The following FTO variants were observed in gnomAD, a reference collection of about 807,000 sequenced individuals.
The protein encoded by FTO is alpha-ketoglutarate-dependent dioxygenase FTO.
FTO carries 47 observed loss-of-function variants against 63.9 expected under a neutral mutation model. That is an observed-to-expected ratio of 0.74 (90% CI 0.58 to 0.94). The LOEUF is 0.94. FTO is among the 40% of genes least tolerant of loss of function. The probability of loss-of-function intolerance (pLI) is 0.00; values close to 1 mark genes in which losing one functional copy is unlikely to be tolerated. For synonymous variants in FTO, 207 were observed against 224.4 expected (o/e 0.92, Z 0.69); for missense variants, 562 against 618.1 (o/e 0.91, Z 0.96).
intron 2 of FTO, among the ~76,000 whole-genome samples, chr16:53,822,714 T>G (rs867907183): frequency 6.6e-6 from 1 of 152,134 alleles, no homozygotes; most frequent in South Asian, 2.1e-4. Flanking sequence ...TATATATATA[T>G]GCATACATAT....
chr16:53,934,490 A>C (rs965544184), intron 8 of FTO, among the ~76,000 whole-genome samples: 1 of 152,170 alleles, frequency 6.6e-6, no homozygotes. Flanking sequence ...ATATCACTCT[A>C]TGCAGGGCAG....
intron 8 of FTO, among the ~76,000 whole-genome samples, chr16:54,011,022 G>T (rs181395771): frequency 2.6e-4 from 39 of 152,262 alleles, no homozygotes; most frequent in Non-Finnish European, 4.7e-4. Flanking sequence ...AAGGAGGCTG[G>T]ATGGTTACAT....
chr16:53,725,669 G>C (rs544734660), intron 1 of FTO, among the ~76,000 whole-genome samples: 35 of 152,338 alleles, frequency 2.3e-4, no homozygotes, highest in Non-Finnish European at 4.4e-4. Context: ...AGCTTTGATA[G>C]TGGGATGTCT....
chr16:54,029,221 T>C (rs75928240), intron 8 of FTO, among the ~76,000 whole-genome samples: 4,695 of 152,302 alleles, frequency 0.031, 124 homozygotes, highest in Middle Eastern at 0.12. Context: ...TTCACAAGCA[T>C]GTCACAGGCC....
chr16:53,875,070 G>C (rs2080609008), intron 5 of FTO, among the ~76,000 whole-genome samples: 1 of 152,040 alleles, frequency 6.6e-6, no homozygotes, highest in Admixed American at 6.6e-5. Flanking sequence ...AGGACGAACA[G>C]AGGAAGAAAA....
chr16:54,072,903 A>G (rs2085902809), intron 8 of FTO, among the ~76,000 whole-genome samples: 1 of 152,212 alleles, frequency 6.6e-6, no homozygotes, highest in Non-Finnish European at 1.5e-5. Context: ...TTAAAAAATG[A>G]AGAAACCTGT....
chr16:53,849,834 C>T (rs2151830294), intron 4 of FTO, among the ~76,000 whole-genome samples: 1 of 152,228 alleles, frequency 6.6e-6, no homozygotes, highest in South Asian at 2.1e-4. Context: ...GCGGGGGCTC[C>T]CTTGGGACTG....
At chr16:53,984,321 C>CCTTTTTTTTTTTT (rs1555500067) in intron 8 of FTO, among the ~76,000 whole-genome samples, 1 of 67,290 alleles carries the variant, frequency 1.5e-5, no homozygotes, top group African/African-American at 5.6e-5. Flanking sequence ...TGGAATGGGT[C>CCTTTTTTTTTTTT]TTTTTTTTTT....
intron 1 of FTO, among the ~76,000 whole-genome samples, chr16:53,707,545 C>G (rs71390216): frequency 0.033 from 5,069 of 152,282 alleles, 258 homozygotes; most frequent in Admixed American, 0.15. Flanking sequence ...TTTTACATTC[C>G]TACCAACTGT....
chr16:53,843,493 T>A (rs990833294), intron 3 of FTO, among the ~76,000 whole-genome samples: 1 of 152,240 alleles, frequency 6.6e-6, no homozygotes, highest in African/African-American at 2.4e-5. Context: ...TAGTTTTATT[T>A]CCTTTTATGT....
chr16:53,873,795 A>G lies in FTO; in HGVS notation c.905A>G (p.Asn302Ser), dbSNP rs1598879991. ...GGTGTTTTTCCTGTAGATGATCTCAATGCCACCCACCAACACTGTGTTTTG... is the reference window on the plus strand; with the variant it reads ...GGTGTTTTTCCTGTAGATGATCTCAGTGCCACCCACCAACACTGTGTTTTG... Reference protein sequence around the residue: ...GDCYFMLDDLNATHQHCVLAG... With the variant: ...GDCYFMLDDLSATHQHCVLAG... The change falls in exon 5 of 9, where the codon AAT becomes AGT. Residue 302 changes from asparagine to serine, a missense_variant. Coordinates refer to ENST00000471389, the MANE Select transcript of FTO (RefSeq NM_001080432.3). 18 of 1,612,856 alleles carry G rather than the reference A, an allele frequency of 1.1e-5. No homozygotes were observed. The highest frequency in any genetic ancestry group is 1.7e-5 in the Admixed American group (1 of 59,962).
At chr16:53,844,850 T>C (rs542636761) in intron 4 of FTO, among the ~76,000 whole-genome samples, 177 of 152,290 alleles carry the variant, frequency 1.2e-3, no homozygotes, top group Non-Finnish European at 2.2e-3. Context: ...TATTAAATCA[T>C]CCAAGTCAAA....
intron 7 of FTO, among the ~76,000 whole-genome samples, chr16:53,932,290 G>T (rs1336703419): frequency 1.3e-5 from 2 of 152,092 alleles, no homozygotes; most frequent in African/African-American, 4.8e-5. Flanking sequence ...GCTAGTGTCA[G>T]GTGGATTATC....
intron 8 of FTO, among the ~76,000 whole-genome samples, chr16:54,004,504 A>G (rs193240442): frequency 6.6e-6 from 1 of 152,272 alleles, no homozygotes; most frequent in Admixed American, 6.5e-5. Context: ...TATCTTTCAA[A>G]TCGCATTTGA....
intron 5 of FTO, among the ~76,000 whole-genome samples, chr16:53,876,365 C>T (rs990281774): frequency 6.6e-5 from 10 of 152,022 alleles, no homozygotes; most frequent in Non-Finnish European, 1.3e-4. Flanking sequence ...TAGCACTTAG[C>T]GAGGAGTAGG....
At chr16:54,046,014 G>T (rs1470344946) in intron 8 of FTO, among the ~76,000 whole-genome samples, 1 of 72,378 alleles carries the variant, frequency 1.4e-5, no homozygotes, top group South Asian at 6.1e-4. Context: ...TACTGAATGG[G>T]CAAAAACTGG....
intron 1 of FTO, chr16:53,711,453 A>G (rs2075775300): frequency 2.5e-6 from 1 of 398,602 alleles, no homozygotes; most frequent in Non-Finnish European, 4.4e-6. Context: ...TGTCCATGGA[A>G]GGTAAGTAAG....
chr16:53,744,576 A>C (rs1294336673), intron 1 of FTO, among the ~76,000 whole-genome samples: 1 of 152,120 alleles, frequency 6.6e-6, no homozygotes, highest in Non-Finnish European at 1.5e-5. Flanking sequence ...AGTCCCCAGC[A>C]CTAACAGGTA....
intron 6 of FTO, among the ~76,000 whole-genome samples, chr16:53,883,341 G>A (rs2080891494): frequency 6.6e-6 from 1 of 152,086 alleles, no homozygotes; most frequent in Non-Finnish European, 1.5e-5. Flanking sequence ...TCTGCTTCAG[G>A]CTGGGTGCGG....
Sources: gnomAD v4.1 joint callset for allele counts (sites outside exome capture counted in the v4.1 genomes callset) on GRCh38, gnomAD v4.1.1 for gene constraint, MANE v1.5 for transcripts, NCBI Gene and HGNC (gene_info 2026-07-23, HGNC 2026-07-21) for gene names.